Variants in TENM4 observed in about 807,000 individuals in gnomAD.
TENM4 encodes teneurin transmembrane protein 4.
In TENM4, 82 loss-of-function variants were observed where a neutral mutation model predicts 243.3. That is an observed-to-expected ratio of 0.34 (90% CI 0.28 to 0.40). TENM4 has a LOEUF of 0.40. TENM4 is among the 10% of genes least tolerant of loss of function. The pLI, the probability that TENM4 is intolerant of heterozygous loss-of-function variation, is 1.00. For synonymous variants in TENM4, 1,412 were observed against 1,456.3 expected (o/e 0.97, Z 0.69); for missense variants, 3,138 against 3,673.3 (o/e 0.85, Z 3.77).
chr11:79,430,188 G>GAAAAAAAAAAAAAA (rs796697145), intron 1 of TENM4, among the ~76,000 whole-genome samples: 1 of 86,570 alleles, frequency 1.2e-5, no homozygotes. Flanking sequence ...TTCAACCTGC[G>GAAAAAAAAAAAAAA]AAAAAAAAAA....
At chr11:79,373,291 T>C (rs936844581) in intron 1 of TENM4, among the ~76,000 whole-genome samples, 22 of 149,774 alleles carry the variant, frequency 1.5e-4, no homozygotes, top group Non-Finnish European at 2.1e-4. Context: ...CATGGGTGGA[T>C]AGATGGCTGG....
intron 6 of TENM4, among the ~76,000 whole-genome samples, chr11:78,943,211 G>T (rs1856940714): frequency 6.6e-6 from 1 of 152,222 alleles, no homozygotes; most frequent in Non-Finnish European, 1.5e-5. Flanking sequence ...AGCTAGGGCA[G>T]GAGGCCCTGG....
intron 7 of TENM4, among the ~76,000 whole-genome samples, chr11:78,891,999 T>C (rs1855679247): frequency 6.6e-6 from 1 of 152,172 alleles, no homozygotes; most frequent in Admixed American, 6.5e-5. Context: ...GGATCTGTAT[T>C]TCTCCCAGGC....
chr11:79,041,647 A>T (rs1859535652), intron 6 of TENM4, among the ~76,000 whole-genome samples: 2 of 152,210 alleles, frequency 1.3e-5, no homozygotes, highest in South Asian at 4.1e-4. Flanking sequence ...TTGGGGAAGC[A>T]GGCTCTTGTT....
chr11:78,941,625 G>A (rs920047213), intron 6 of TENM4, among the ~76,000 whole-genome samples: 1 of 152,198 alleles, frequency 6.6e-6, no homozygotes, highest in Non-Finnish European at 1.5e-5. Context: ...TGTCCCACAA[G>A]CAGCAGGTGC....
intron 28 of TENM4, among the ~76,000 whole-genome samples, chr11:78,692,925 T>TC (rs1461000638): frequency 6.6e-6 from 1 of 152,076 alleles, no homozygotes; most frequent in Non-Finnish European, 1.5e-5. Flanking sequence ...GACAGATAAG[T>TC]CCCCCCAACC....
At chr11:79,228,291 T>G (rs1189066837) in intron 2 of TENM4, among the ~76,000 whole-genome samples, 1 of 152,140 alleles carries the variant, frequency 6.6e-6, no homozygotes, top group Non-Finnish European at 1.5e-5. Context: ...CAGGACACAT[T>G]TGCTTTTTGC....
chr11:78,670,634 G>A, intron 31 of TENM4, 83 bp from the exon 32 acceptor site: 2 of 1,283,238 alleles, frequency 1.6e-6, no homozygotes, highest in South Asian at 1.4e-5. Context: ...TTAAAGGGAC[G>A]GAATGAATGT....
chr11:78,788,542 A>G (rs1856985995), intron 15 of TENM4, among the ~76,000 whole-genome samples: 1 of 148,094 alleles, frequency 6.8e-6, no homozygotes, highest in South Asian at 2.1e-4. Flanking sequence ...TGGTCCTGTC[A>G]GACAGTTCCT....
chr11:78,772,081 G>A (rs575463291), intron 17 of TENM4, among the ~76,000 whole-genome samples: 36 of 152,316 alleles, frequency 2.4e-4, no homozygotes, highest in Non-Finnish European at 1.3e-4. Flanking sequence ...CACAGGTGTG[G>A]CCATCTGAGA....
chr11:78,913,166 T>C (rs925805114), intron 6 of TENM4, among the ~76,000 whole-genome samples: 1 of 152,226 alleles, frequency 6.6e-6, no homozygotes, highest in African/African-American at 2.4e-5. Flanking sequence ...GGCAAAAGGA[T>C]GGAATGAAAG....
chr11:78,795,814 G>A (rs571752119), intron 15 of TENM4, among the ~76,000 whole-genome samples: 12 of 152,174 alleles, frequency 7.9e-5, no homozygotes, highest in Non-Finnish European at 1.5e-4. Context: ...TTGGACAGAT[G>A]GCTTTCAGTC....
intron 1 of TENM4, among the ~76,000 whole-genome samples, chr11:79,413,521 C>T (rs879352007): frequency 2.0e-5 from 3 of 152,214 alleles, no homozygotes; most frequent in African/African-American, 4.8e-5. Flanking sequence ...TCCCATGAGA[C>T]CTTCACGGCC....
intron 6 of TENM4, among the ~76,000 whole-genome samples, chr11:79,007,969 C>G (rs764126043): frequency 2.0e-5 from 3 of 152,176 alleles, no homozygotes; most frequent in Non-Finnish European, 4.4e-5. Context: ...GGGTTTAAAA[C>G]AGCAGGGGAC....
At chr11:79,295,028 G>A (rs1202421163) in intron 2 of TENM4, among the ~76,000 whole-genome samples, 3 of 152,112 alleles carry the variant, frequency 2.0e-5, no homozygotes, top group South Asian at 2.1e-4. Flanking sequence ...CAAGGATGAC[G>A]CAGACAGGAG....
At chr11:78,697,716 T>C (rs542933861) in intron 28 of TENM4, among the ~76,000 whole-genome samples, 2 of 152,256 alleles carry the variant, frequency 1.3e-5, no homozygotes, top group East Asian at 3.9e-4. Context: ...CTCACAGTAG[T>C]TAAGGTGAGC....
At position 79,009,608 on chromosome 11, in the gene TENM4, T is replaced by C. The variant is rs74948724; in HGVS notation, c.493+55130A>G. On this transcript the variant is annotated intron_variant, in intron 6 of 33. Coordinates refer to ENST00000278550, the MANE Select transcript of TENM4 (RefSeq NM_001098816.3). ...TTTTTGGATCCTGGGACCCTGATTTTTAGGCCATAGGATCACTTAGTGTTG... is the reference window on the plus strand; with the variant it reads ...TTTTTGGATCCTGGGACCCTGATTTCTAGGCCATAGGATCACTTAGTGTTG... 7.6e-3 allele frequency among the ~76,000 whole-genome samples: 1,161 copies of C among 152,318 alleles called. 12 individuals are homozygous for C. Among genetic ancestry groups the C allele is most frequent in the African/African-American group, 0.027 (1,103 of 41,558 alleles).
At chr11:79,020,231 A>T (rs1858892602) in intron 6 of TENM4, among the ~76,000 whole-genome samples, 1 of 152,192 alleles carries the variant, frequency 6.6e-6, no homozygotes, top group Non-Finnish European at 1.5e-5. Flanking sequence ...GGCAGCTGGG[A>T]CCAGCCTTAG....
intron 6 of TENM4, among the ~76,000 whole-genome samples, chr11:78,982,909 G>C (rs1857833284): frequency 6.6e-6 from 1 of 152,168 alleles, no homozygotes; most frequent in African/African-American, 2.4e-5. Context: ...GTCCTTGCTG[G>C]TCCCCTGCAA....
Sources: allele counts gnomAD v4.1 joint callset (sites outside exome capture counted in the v4.1 genomes callset), GRCh38; gene constraint gnomAD v4.1.1; transcripts MANE v1.5; gene names NCBI Gene and HGNC (gene_info 2026-07-23, HGNC 2026-07-21).